The following WWOX variants were observed in gnomAD, a reference collection of about 807,000 sequenced individuals.
WWOX encodes the protein WW domain containing oxidoreductase.
A neutral mutation model predicts 46.2 loss-of-function variants in WWOX; 69 were observed. The ratio of observed to expected loss-of-function variants is 1.49; its 90% CI spans 1.23 to 1.82. WWOX has a LOEUF of 1.82. Among genes scored for constraint, WWOX ranks in the 40% most tolerant of loss-of-function variants. The pLI is 0.00. For missense variants in WWOX, 919 were observed against 542.6 expected (o/e 1.69, Z -6.89); for synonymous variants, 359 against 202.6 (o/e 1.77, Z -6.56).
chr16:78,304,198 C>G (rs1158796456), intron 5 of WWOX, among the ~76,000 whole-genome samples: 1 of 152,200 alleles, frequency 6.6e-6, no homozygotes, highest in African/African-American at 2.4e-5. Context: ...CGTTAATAAC[C>G]AGGACATCTG....
At chr16:78,901,675 A>T (rs2044834756) in intron 8 of WWOX, among the ~76,000 whole-genome samples, 1 of 152,070 alleles carries the variant, frequency 6.6e-6, no homozygotes, top group African/African-American at 2.4e-5. Context: ...TTTTTGTAGT[A>T]ACACGGTTTT....
intron 8 of WWOX, among the ~76,000 whole-genome samples, chr16:79,135,022 T>G (rs1301560119): frequency 2.6e-5 from 4 of 152,190 alleles, no homozygotes; most frequent in South Asian, 2.1e-4. Context: ...ATGCTGTTCA[T>G]TGGATTAATT....
At chr16:79,008,502 G>T (rs1476132772) in intron 8 of WWOX, among the ~76,000 whole-genome samples, 2 of 152,130 alleles carry the variant, frequency 1.3e-5, no homozygotes, top group African/African-American at 4.8e-5. Context: ...CTCAAGAGAG[G>T]GGATTCTATA....
chr16:78,957,619 G>T (rs377066626), intron 8 of WWOX, among the ~76,000 whole-genome samples: 1 of 152,046 alleles, frequency 6.6e-6, no homozygotes, highest in Admixed American at 6.6e-5. Context: ...ATGTCTCTTC[G>T]GATAGATTCT....
chr16:78,499,420 G>A (rs1483569120), intron 8 of WWOX, among the ~76,000 whole-genome samples: 1 of 152,196 alleles, frequency 6.6e-6, no homozygotes, highest in East Asian at 1.9e-4. Context: ...CTTTTGGCTT[G>A]TATCCCACCT....
intron 8 of WWOX, among the ~76,000 whole-genome samples, chr16:79,179,461 C>T (rs1306492262): frequency 1.3e-5 from 2 of 152,224 alleles, no homozygotes; most frequent in Non-Finnish European, 2.9e-5. Context: ...CGCCTGGCAG[C>T]TCCAGTCCGA....
intron 8 of WWOX, among the ~76,000 whole-genome samples, chr16:79,138,959 A>G (rs1014733062): frequency 1.3e-5 from 2 of 152,238 alleles, no homozygotes; most frequent in Middle Eastern, 6.8e-3. Flanking sequence ...TTCACTGCAG[A>G]GTCTTCCCCC....
At chr16:78,941,639 G>C (rs1049921668) in intron 8 of WWOX, among the ~76,000 whole-genome samples, 7 of 152,098 alleles carry the variant, frequency 4.6e-5, no homozygotes, top group African/African-American at 1.7e-4. Context: ...TCAGAAAATA[G>C]AGCATTTGTT....
chr16:78,242,341 CT>C (rs1396439355), intron 5 of WWOX, among the ~76,000 whole-genome samples: 7 of 152,148 alleles, frequency 4.6e-5, no homozygotes, highest in Admixed American at 1.3e-4. Context: ...GATATGCTGT[CT>C]TTTTTGACCC....
At chr16:78,845,288 G>T (rs2052269894) in intron 8 of WWOX, among the ~76,000 whole-genome samples, 3 of 151,754 alleles carry the variant, frequency 2.0e-5, no homozygotes, top group Admixed American at 1.3e-4. Context: ...TTTATTTACT[G>T]CATCATGGGT....
intron 8 of WWOX, among the ~76,000 whole-genome samples, chr16:78,928,131 A>G (rs1485706241): frequency 2.0e-5 from 3 of 150,952 alleles, no homozygotes; most frequent in Non-Finnish European, 4.4e-5. Flanking sequence ...TGTATTCTCC[A>G]TGTTTGGTTT....
At chr16:78,106,573 C>T (rs190203686) in intron 1 of WWOX, among the ~76,000 whole-genome samples, 6 of 152,014 alleles carry the variant, frequency 3.9e-5, no homozygotes, top group Admixed American at 3.9e-4. Flanking sequence ...TGTGCCACCA[C>T]GCCAGGCTAA....
At position 78,246,258 on chromosome 16, in the gene WWOX, G is replaced by A. The variant is rs568832631; in HGVS notation, c.516+81969G>A. On this transcript the variant is annotated intron_variant, in intron 5 of 8. Coordinates refer to ENST00000566780, the MANE Select transcript of WWOX (RefSeq NM_016373.4). ...ATACAACCTATTTAAATCATGTACC[G>A]TGAAACCAAAGAGCTGTGTATGGAA... 7.2e-5 allele frequency among the ~76,000 whole-genome samples: 11 copies of A among 152,228 alleles called. 1 individual carries two copies. The highest frequency in any genetic ancestry group is 3.9e-4 in the Admixed American group (6 of 15,278).
At chr16:78,880,138 G>C (rs1447059073) in intron 8 of WWOX, among the ~76,000 whole-genome samples, 1 of 152,180 alleles carries the variant, frequency 6.6e-6, no homozygotes, top group Non-Finnish European at 1.5e-5. Context: ...CTATTTGGTG[G>C]TTTATTTCAG....
chr16:78,642,751 T>C (rs1597386299), intron 8 of WWOX, among the ~76,000 whole-genome samples: 1 of 152,076 alleles, frequency 6.6e-6, no homozygotes, highest in East Asian at 1.9e-4. Flanking sequence ...CACATCAGGA[T>C]ACCTCAGTGG....
chr16:79,173,640 GAA>G (rs57035134), intron 8 of WWOX, among the ~76,000 whole-genome samples: 3 of 138,346 alleles, frequency 2.2e-5, no homozygotes, highest in African/African-American at 7.9e-5. Context: ...AAAATTTGAA[GAA>G]AAAAAAAAAA....
chr16:78,724,584 T>G (rs2048779558), intron 8 of WWOX, among the ~76,000 whole-genome samples: 1 of 152,210 alleles, frequency 6.6e-6, no homozygotes, highest in African/African-American at 2.4e-5. Flanking sequence ...TTTGGGGACA[T>G]TGACCCACTT....
intron 8 of WWOX, among the ~76,000 whole-genome samples, chr16:78,976,504 C>A (rs1242893829): frequency 1.3e-5 from 2 of 152,174 alleles, no homozygotes; most frequent in Non-Finnish European, 2.9e-5. Context: ...TCTGCTTAAG[C>A]AAGAACGTGA....
intron 8 of WWOX, among the ~76,000 whole-genome samples, chr16:78,531,014 C>G (rs2043608311): frequency 6.6e-6 from 1 of 152,196 alleles, no homozygotes; most frequent in Non-Finnish European, 1.5e-5. Context: ...TCAAAGCAAT[C>G]TATGGTCTTT....
Sources: gnomAD v4.1 joint callset for allele counts (sites outside exome capture counted in the v4.1 genomes callset) on GRCh38, gnomAD v4.1.1 for gene constraint, MANE v1.5 for transcripts, NCBI Gene and HGNC (gene_info 2026-07-23, HGNC 2026-07-21) for gene names.